COL28A1: variants seen among roughly 807,000 people sequenced by gnomAD.
The protein encoded by COL28A1 is collagen alpha-1(XXVIII) chain.
Under a neutral mutation model 150.2 loss-of-function variants are expected in COL28A1, and 161 were observed. The observed-to-expected ratio is 1.07, with a 90% confidence interval of 0.94 to 1.22. The LOEUF (loss-of-function observed/expected upper bound fraction) is 1.22, where lower values mean the gene tolerates loss of function less well. COL28A1 is among the 50% of genes most tolerant of loss of function. The pLI, the probability that COL28A1 is intolerant of heterozygous loss-of-function variation, is 0.00. For synonymous variants in COL28A1, 552 were observed against 469.7 expected (o/e 1.18, Z -2.26); for missense variants, 1,617 against 1,388.3 (o/e 1.16, Z -2.62).
chr7:7,454,956 T>G (rs920601533), intron 16 of COL28A1, among the ~76,000 whole-genome samples: 1 of 152,188 alleles, frequency 6.6e-6, no homozygotes, highest in Non-Finnish European at 1.5e-5. Flanking sequence ...CCTCTGCCAA[T>G]GGCAAGGGAA....
intron 32 of COL28A1, 58 bp from the exon 33 acceptor site, chr7:7,370,940 C>T (rs1254267232): frequency 8.1e-7 from 1 of 1,235,344 alleles, no homozygotes; most frequent in Non-Finnish European, 1.2e-6. Flanking sequence ...ATACTTAAAA[C>T]TCATTTAAAA....
intron 30 of COL28A1, among the ~76,000 whole-genome samples, chr7:7,377,259 T>C (rs1176062603): frequency 6.6e-6 from 1 of 152,208 alleles, no homozygotes; most frequent in Non-Finnish European, 1.5e-5. Context: ...TTCATGTTCT[T>C]TGCATTTAAG....
chr7:7,506,045 T>C lies in COL28A1; in HGVS notation c.995A>G (p.Asp332Gly). The C allele has an allele frequency of 6.8e-7, 1 of 1,473,638 alleles. No individual in the cohort carries two copies. The highest frequency in any genetic ancestry group is 9.5e-7 in the Non-Finnish European group (1 of 1,051,938). The allele number at this position is 1,473,638 out of a possible 1,614,324, so 91.3% of individuals were successfully genotyped here. A position where few individuals can be genotyped will look rare whatever the true frequency, so the allele number is the denominator to read the frequency against. Residue 332 changes from aspartate (D) to glycine (G), a missense_variant, in exon 11 of 35, where the codon GAC becomes GGC. Transcript: ENST00000399429. ...GIQGITGPPG[D>G]PGPKGFQGNK... ...GCCTTGAAACCCCTTTGGGCCTGGG[T>C]CTCCTGGAGGTCCAGTAATTCCCTG... is the stretch of plus-strand genomic sequence containing the variant.
chr7:7,351,266 G>A (rs1361523566), downstream of COL28A1, among the ~76,000 whole-genome samples: 10 of 152,156 alleles, frequency 6.6e-5, no homozygotes, highest in East Asian at 1.9e-3. Context: ...AGAAGCTGCA[G>A]CAGCAGCCAG....
the COL28A1 span, among the ~76,000 whole-genome samples, chr7:7,344,802 C>T: frequency 6.6e-6 from 1 of 152,074 alleles, no homozygotes; most frequent in Non-Finnish European, 1.5e-5. Flanking sequence ...CTAAGAAACC[C>T]TGCATTAAAC....
intron 3 of COL28A1, among the ~76,000 whole-genome samples, chr7:7,529,938 C>A (rs540689911): frequency 6.6e-6 from 1 of 152,246 alleles, no homozygotes; most frequent in South Asian, 2.1e-4. Flanking sequence ...TTGAGCACCA[C>A]AGGACTGGGC....
At chr7:7,430,136 T>C (rs1299819505) in intron 25 of COL28A1, among the ~76,000 whole-genome samples, 7 of 151,484 alleles carry the variant, frequency 4.6e-5, no homozygotes, top group East Asian at 1.9e-4. Flanking sequence ...TTTTATGTTC[T>C]TTTTTTTTGA....
At chr7:7,471,125 T>TAAAAAAAAAAAAAA (rs746981344) in intron 15 of COL28A1, among the ~76,000 whole-genome samples, 93 of 88,372 alleles carry the variant, frequency 1.1e-3, no homozygotes, top group Non-Finnish European at 1.5e-3. Flanking sequence ...AAAAAATAAT[T>TAAAAAAAAAAAAAA]AAAAAAAAAA....
chr7:7,363,824 C>A (rs1477469992), intron 33 of COL28A1, among the ~76,000 whole-genome samples: 1 of 152,108 alleles, frequency 6.6e-6, no homozygotes, highest in Non-Finnish European at 1.5e-5. Flanking sequence ...AAGACAGAGT[C>A]TCGCTCTGTT....
chr7:7,394,338 T>A (rs560433426), intron 27 of COL28A1, among the ~76,000 whole-genome samples: 1 of 152,190 alleles, frequency 6.6e-6, no homozygotes, highest in African/African-American at 2.4e-5. Context: ...GCCTTCTGCA[T>A]TGATCTCACT....
chr7:7,348,782 C>T, the COL28A1 span, among the ~76,000 whole-genome samples: 39 of 152,056 alleles, frequency 2.6e-4, 1 homozygote, highest in East Asian at 6.4e-3. Flanking sequence ...AGCAGTATCC[C>T]GCAATATTTT....
At chr7:7,471,974 C>T (rs1269426709) in intron 15 of COL28A1, among the ~76,000 whole-genome samples, 2 of 152,122 alleles carry the variant, frequency 1.3e-5, no homozygotes, top group South Asian at 2.1e-4. Flanking sequence ...TCCAGCATCC[C>T]TTTATGATTA....
At chr7:7,535,632 C>A (rs888982645) in intron 1 of COL28A1, 118 bp downstream of exon 1, 2 of 152,030 alleles carry the variant, frequency 1.3e-5, no homozygotes, top group African/African-American at 4.8e-5. Context: ...GCAGAGAATA[C>A]AAACTATTGA....
At chr7:7,377,764 A>G (rs2128286958) in intron 30 of COL28A1, among the ~76,000 whole-genome samples, 1 of 150,688 alleles carries the variant, frequency 6.6e-6, no homozygotes. Flanking sequence ...AGAGATGATC[A>G]TAGCAGCCAG....
chr7:7,511,344 G>C (rs1287339657), intron 8 of COL28A1, among the ~76,000 whole-genome samples: 2 of 152,034 alleles, frequency 1.3e-5, no homozygotes, highest in African/African-American at 2.4e-5. Context: ...AACTTGACAG[G>C]AATAAATCAG....
chr7:7,511,769 G>A (rs1583540307), intron 8 of COL28A1: 1 of 470,998 alleles, frequency 2.1e-6, no homozygotes, highest in African/African-American at 2.0e-5. Flanking sequence ...TGCTGTAGGA[G>A]AGCCGGGCTT....
At chr7:7,354,440 T>C (rs926711888), downstream of COL28A1, among the ~76,000 whole-genome samples, 1 of 152,144 alleles carries the variant, frequency 6.6e-6, no homozygotes, top group Non-Finnish European at 1.5e-5. Context: ...GATAGTTTAT[T>C]AGAGGCTACT....
At chr7:7,539,759 A>G (rs981768403), upstream of COL28A1, among the ~76,000 whole-genome samples, 9 of 152,068 alleles carry the variant, frequency 5.9e-5, no homozygotes, top group Admixed American at 5.2e-4. Context: ...CTATTTTTCA[A>G]TTGTTACTAT....
At chr7:7,424,369 G>A (rs930211527) in intron 25 of COL28A1, among the ~76,000 whole-genome samples, 1 of 152,210 alleles carries the variant, frequency 6.6e-6, no homozygotes, top group African/African-American at 2.4e-5. Flanking sequence ...GTGAGCAAGA[G>A]AATTGCGGAC....
Sources: allele counts gnomAD v4.1 joint callset (sites outside exome capture counted in the v4.1 genomes callset), GRCh38; gene constraint gnomAD v4.1.1; transcripts MANE v1.5; gene names NCBI Gene and HGNC (gene_info 2026-07-23, HGNC 2026-07-21).